Variants in LYZL6 observed in about 807,000 individuals in gnomAD.
LYZL6 encodes lysozyme like 6, also known as lysozyme-like protein 6.
A neutral mutation model predicts 15.0 loss-of-function variants in LYZL6; 21 were observed. That is an observed-to-expected ratio of 1.40 (90% CI 1.00 to 2.02). The LOEUF (loss-of-function observed/expected upper bound fraction) is 2.02. Ranked by LOEUF, LYZL6 falls within the 30% of genes most tolerant of loss-of-function variation. LYZL6 has a pLI of 0.00. For synonymous variants in LYZL6, 72 were observed against 67.8 expected, an observed-to-expected ratio of 1.06 and a Z score of -0.31; for missense variants, 173 against 180.5, an observed-to-expected ratio of 0.96 and a Z score of 0.24.
At chr17:35,943,250 A>C (rs996962958) in intron 1 of LYZL6, among the ~76,000 whole-genome samples, 14 of 152,176 alleles carry the variant, frequency 9.2e-5, no homozygotes, top group African/African-American at 3.1e-4. Flanking sequence ...TCAGACAATG[A>C]GGCTGCTTCT....
At chr17:35,939,038 T>G (rs2089402122) in intron 2 of LYZL6, among the ~76,000 whole-genome samples, 180 bp downstream of exon 2, 1 of 152,200 alleles carries the variant, frequency 6.6e-6, no homozygotes, top group South Asian at 2.1e-4. Context: ...AAACAGTTGT[T>G]GGTACATAAT....
chr17:35,937,049 T>C (rs2089380510), intron 3 of LYZL6, among the ~76,000 whole-genome samples: 1 of 152,174 alleles, frequency 6.6e-6, no homozygotes, highest in Admixed American at 6.5e-5. Flanking sequence ...GGCCTGAGAT[T>C]TGGGCCTGTT....
At chr17:35,942,815 A>G (rs902453610) in intron 1 of LYZL6, among the ~76,000 whole-genome samples, 1 of 152,182 alleles carries the variant, frequency 6.6e-6, no homozygotes, top group Admixed American at 6.5e-5. Context: ...GCGCTAAGAT[A>G]GGGAAGCTAA....
rs147147324 is a variant in LYZL6, at chr17:35,936,103, C to A, written c.377+652G>T. Reference sequence around the variant, plus strand: ...GTGCTGGGATTACAGGCGTGAGCCACCATGCCCGGTCCACATTTTTAAATA... The same window carrying A: ...GTGCTGGGATTACAGGCGTGAGCCAACATGCCCGGTCCACATTTTTAAATA... On this transcript the variant is annotated intron_variant, in intron 4 of 4. Coordinates refer to ENST00000615905, the MANE Select transcript of LYZL6 (RefSeq NM_020426.4). 7.0e-3 allele frequency among the ~76,000 whole-genome samples: 1,070 copies of A among 152,326 alleles called. 18 individuals are homozygous for A. Among genetic ancestry groups the A allele is most frequent in the African/African-American group, 0.024 (986 of 41,560 alleles).
chr17:35,936,090 C>G (rs2089370160), intron 4 of LYZL6, among the ~76,000 whole-genome samples: 1 of 152,232 alleles, frequency 6.6e-6, no homozygotes, highest in African/African-American at 2.4e-5. Context: ...GCTGGGATTA[C>G]AGGCGTGAGC....
chr17:35,942,039 C>T (rs1361074065), intron 1 of LYZL6, among the ~76,000 whole-genome samples: 1 of 119,606 alleles, frequency 8.4e-6, no homozygotes, highest in African/African-American at 2.9e-5. Context: ...AAGGAGGACA[C>T]ATCGCTTATG....
chr17:35,942,805 G>T (rs77226828), intron 1 of LYZL6, among the ~76,000 whole-genome samples: 2 of 152,064 alleles, frequency 1.3e-5, no homozygotes, highest in African/African-American at 4.8e-5. Context: ...CTCTTTAGGC[G>T]CGCTAAGATA....
intron 2 of LYZL6, 31 bp from the exon 3 acceptor site, chr17:35,937,947 A>G (rs751095009): frequency 6.2e-7 from 1 of 1,605,930 alleles, no homozygotes; most frequent in South Asian, 1.1e-5. Flanking sequence ...GTCAGGATTT[A>G]GAGGGGACCA....
At chr17:35,937,067 A>G (rs909357473) in intron 3 of LYZL6, among the ~76,000 whole-genome samples, 3 of 152,218 alleles carry the variant, frequency 2.0e-5, no homozygotes, top group East Asian at 1.9e-4. Flanking sequence ...GTTCACTACT[A>G]TTCTTCCTAA....
chr17:35,938,426 T>C (rs1314246585), intron 2 of LYZL6, among the ~76,000 whole-genome samples: 1 of 151,986 alleles, frequency 6.6e-6, no homozygotes, highest in Non-Finnish European at 1.5e-5. Flanking sequence ...GAGACCATCC[T>C]GGCTAACACG....
chr17:35,940,190 A>T (rs2089414650), intron 1 of LYZL6, among the ~76,000 whole-genome samples: 1 of 152,168 alleles, frequency 6.6e-6, no homozygotes, highest in African/African-American at 2.4e-5. Flanking sequence ...TTTGGGCAAC[A>T]TACTCAACCT....
chr17:35,941,805 C>T (rs2089426513), intron 1 of LYZL6, among the ~76,000 whole-genome samples: 1 of 152,082 alleles, frequency 6.6e-6, no homozygotes, highest in Non-Finnish European at 1.5e-5. Flanking sequence ...GGTTTGAGAA[C>T]AAATCATCAT....
At chr17:35,937,353 A>T (rs545351986) in intron 3 of LYZL6, among the ~76,000 whole-genome samples, 5 of 152,364 alleles carry the variant, frequency 3.3e-5, no homozygotes, top group East Asian at 1.9e-4. Context: ...CTGTGAGGCC[A>T]TTAGTCTGGC....
chr17:35,938,874 G>T (rs927305344), intron 2 of LYZL6, among the ~76,000 whole-genome samples: 8 of 152,122 alleles, frequency 5.3e-5, no homozygotes, highest in African/African-American at 1.9e-4. Context: ...CCCATCTAAA[G>T]AATTCACCAT....
intron 1 of LYZL6, 96 bp downstream of exon 1, chr17:35,943,471 G>C (rs1240351612): frequency 6.6e-6 from 1 of 152,294 alleles, no homozygotes; most frequent in Non-Finnish European, 1.5e-5. Context: ...TCGGGAAGCA[G>C]GAAGCTCCAT....
intron 1 of LYZL6, among the ~76,000 whole-genome samples, chr17:35,939,996 C>T (rs774581593): frequency 2.8e-4 from 43 of 152,116 alleles, no homozygotes; most frequent in Non-Finnish European, 5.7e-4. Context: ...CCCCACTCCC[C>T]CAGACACATG....
intron 1 of LYZL6, among the ~76,000 whole-genome samples, chr17:35,942,090 G>C (rs2089428549): frequency 6.6e-6 from 1 of 152,178 alleles, no homozygotes; most frequent in Non-Finnish European, 1.5e-5. Flanking sequence ...GTCTAATCCT[G>C]AGGAAACATC....
intron 4 of LYZL6, among the ~76,000 whole-genome samples, chr17:35,935,722 C>T (rs993215894): frequency 6.6e-6 from 1 of 152,194 alleles, no homozygotes; most frequent in Non-Finnish European, 1.5e-5. Flanking sequence ...CCATATTGGC[C>T]AGGCTGGTCT....
intron 2 of LYZL6, among the ~76,000 whole-genome samples, chr17:35,938,740 A>G (rs2089399691): frequency 6.6e-6 from 1 of 151,810 alleles, no homozygotes; most frequent in Non-Finnish European, 1.5e-5. Flanking sequence ...AGGAGGAGAA[A>G]GCCTTTGTAC....
Sources: gnomAD v4.1 joint callset for allele counts (sites outside exome capture counted in the v4.1 genomes callset) on GRCh38, gnomAD v4.1.1 for gene constraint, MANE v1.5 for transcripts, NCBI Gene and HGNC (gene_info 2026-07-23, HGNC 2026-07-21) for gene names.